Variants in SLIT2 observed in about 807,000 individuals in gnomAD.
SLIT2 encodes the protein slit homolog 2 protein.
In SLIT2, 41 loss-of-function variants were observed where a neutral mutation model predicts 185.7. That is an observed-to-expected ratio of 0.22 (90% CI 0.17 to 0.29). The LOEUF (loss-of-function observed/expected upper bound fraction) is 0.29, where lower values mean the gene tolerates loss of function less well. Among genes scored for constraint, SLIT2 ranks in the 10% least tolerant of loss-of-function variants. SLIT2 has a pLI of 1.00. For missense variants in SLIT2, 1,571 were observed against 1,909.0 expected, an observed-to-expected ratio of 0.82 and a Z score of 3.30; for synonymous variants, 693 against 680.2, an observed-to-expected ratio of 1.02 and a Z score of -0.29.
rs553875991 is a variant in SLIT2 at position 20,451,389 on chromosome 4, G to A, written c.396-16363G>A. ...AGTTCCTACTAATTCCTTAAAGGAT[G>A]TCTCCTTTGTTCCAGCTAATGCAGC... On this transcript the variant is annotated intron_variant, in intron 4 of 36. Transcript: ENST00000504154. 2.9e-3 allele frequency among the ~76,000 whole-genome samples: 435 copies of A among 152,302 alleles called. 6 individuals carry two copies. Among genetic ancestry groups the A allele is most frequent in the African/African-American group, 1.0e-2 (414 of 41,564 alleles).
intron 22 of SLIT2, among the ~76,000 whole-genome samples, chr4:20,547,221 T>C (rs1197666310): frequency 1.3e-5 from 2 of 152,168 alleles, no homozygotes; most frequent in African/African-American, 2.4e-5. Context: ...AGTTATTTAT[T>C]TGATAGCAGC....
At chr4:20,534,236 T>A (rs1470022159) in intron 18 of SLIT2, among the ~76,000 whole-genome samples, 1 of 152,194 alleles carries the variant, frequency 6.6e-6, no homozygotes, top group Non-Finnish European at 1.5e-5. Flanking sequence ...TAACAGCTTA[T>A]CTGGAGACTA....
chr4:20,562,910 A>G (rs376719810), intron 26 of SLIT2, among the ~76,000 whole-genome samples: 11 of 151,738 alleles, frequency 7.2e-5, no homozygotes, highest in African/African-American at 2.7e-4. Flanking sequence ...GGATGCCAGA[A>G]TGAAGGCAGA....
intron 4 of SLIT2, among the ~76,000 whole-genome samples, chr4:20,353,079 A>G (rs1002871749): frequency 6.6e-6 from 1 of 152,300 alleles, no homozygotes; most frequent in East Asian, 1.9e-4. Flanking sequence ...GAGTATATCA[A>G]TCTTGCCTTT....
At chr4:20,575,164 A>T (rs1277469444) in intron 29 of SLIT2, among the ~76,000 whole-genome samples, 4 of 152,178 alleles carry the variant, frequency 2.6e-5, no homozygotes, top group African/African-American at 9.7e-5. Flanking sequence ...TCTTAGAAAC[A>T]ATCTTGGCAG....
At chr4:20,343,257 C>T (rs1378524917) in intron 4 of SLIT2, among the ~76,000 whole-genome samples, 1 of 152,114 alleles carries the variant, frequency 6.6e-6, no homozygotes, top group Non-Finnish European at 1.5e-5. Flanking sequence ...ATCTATCATT[C>T]CACTCTCCAT....
At chr4:20,389,683 T>C (rs1309973459) in intron 4 of SLIT2, among the ~76,000 whole-genome samples, 2 of 152,096 alleles carry the variant, frequency 1.3e-5, no homozygotes, top group Admixed American at 6.6e-5. Context: ...ATAAGACTTA[T>C]CTGCAGCCAA....
chr4:20,344,856 C>G (rs1721258099), intron 4 of SLIT2, among the ~76,000 whole-genome samples: 1 of 152,120 alleles, frequency 6.6e-6, no homozygotes, highest in Non-Finnish European at 1.5e-5. Flanking sequence ...TTTTTCTGCA[C>G]TTTTCTTTTG....
At position 20,404,635 on chromosome 4, in the gene SLIT2, G is replaced by A. The variant is rs866768448; in HGVS notation, c.396-63117G>A. Among the ~76,000 whole-genome samples the A allele has an allele frequency of 3.9e-5, 6 of 152,130 alleles. No homozygotes were observed. In the South Asian group the frequency reaches 1.2e-3, roughly 31 times the overall value. On this transcript the variant is annotated intron_variant, in intron 4 of 36. Coordinates refer to ENST00000504154, the MANE Select transcript of SLIT2 (RefSeq NM_004787.4). Reference sequence around the variant, plus strand: ...AAAGTTCACCAACGAATGAATGCATGAATGAATGAACAAGGGGAAATCTTG... The same window carrying A: ...AAAGTTCACCAACGAATGAATGCATAAATGAATGAACAAGGGGAAATCTTG...
At chr4:20,370,314 G>A (rs180997473) in intron 4 of SLIT2, among the ~76,000 whole-genome samples, 44 of 152,190 alleles carry the variant, frequency 2.9e-4, no homozygotes, top group African/African-American at 1.0e-3. Context: ...TATTTCAATC[G>A]ATTATCTTTT....
intron 4 of SLIT2, among the ~76,000 whole-genome samples, chr4:20,405,133 T>C (rs1226624978): frequency 6.6e-6 from 1 of 151,972 alleles, no homozygotes; most frequent in Non-Finnish European, 1.5e-5. Context: ...ATAATCTATC[T>C]ACTTGGGTTG....
chr4:20,553,945 C>G lies in SLIT2; in HGVS notation c.2702C>G (p.Pro901Arg). ...EMADKLLLTT[P>R]SKKFTCQGPV... ...GCAGATAAACTTTTACTCACAACTCCCTCCAAAAAATTTACCTGTCAAGGT... is the reference window on the plus strand; with the variant it reads ...GCAGATAAACTTTTACTCACAACTCGCTCCAAAAAATTTACCTGTCAAGGT... The change falls in exon 26 of 37, where the codon CCC becomes CGC. Residue 901 changes from proline (P) to arginine (R), a missense_variant. Transcript: ENST00000504154. 6.2e-7 allele frequency: 1 copy of G among 1,600,698 alleles called. No individual in the cohort carries two copies. The highest frequency in any genetic ancestry group is 1.4e-5 in the African/African-American group (1 of 74,020).
intron 3 of SLIT2, among the ~76,000 whole-genome samples, chr4:20,264,996 G>A (rs1231951334): frequency 6.6e-6 from 1 of 151,780 alleles, no homozygotes; most frequent in African/African-American, 2.4e-5. Flanking sequence ...GACTCACCTG[G>A]TCTGTTTAAC....
At chr4:20,321,355 T>C (rs1160224781) in intron 4 of SLIT2, among the ~76,000 whole-genome samples, 1 of 152,196 alleles carries the variant, frequency 6.6e-6, no homozygotes, top group East Asian at 1.9e-4. Flanking sequence ...CCTCTGTGGC[T>C]GGCCCTCACT....
intron 9 of SLIT2, among the ~76,000 whole-genome samples, chr4:20,509,438 T>A (rs1719504543): frequency 6.6e-6 from 1 of 152,072 alleles, no homozygotes; most frequent in Non-Finnish European, 1.5e-5. Context: ...ATGAGACCAC[T>A]GCTGTGGACA....
chr4:20,472,255 G>GATCTATATATCTATATAT (rs1715159945), intron 5 of SLIT2, among the ~76,000 whole-genome samples: 1 of 21,898 alleles, frequency 4.6e-5, no homozygotes, highest in Non-Finnish European at 8.6e-5. Context: ...TCTATATATA[G>GATCTATATATCTATATAT]ATCTATATAT....
chr4:20,515,054 C>T (rs530624991), intron 11 of SLIT2, among the ~76,000 whole-genome samples: 30 of 152,086 alleles, frequency 2.0e-4, no homozygotes, highest in Non-Finnish European at 3.2e-4. Flanking sequence ...AGTAACAAAA[C>T]GTTTTAAGTG....
chr4:20,528,500 TA>T lies in SLIT2; in HGVS notation c.1463-444del. 2.7e-6 allele frequency: 1 copy of T among 364,682 alleles called. No individual in the cohort carries two copies. Among genetic ancestry groups the T allele is most frequent in the East Asian group, 7.5e-5 (1 of 13,286 alleles). 22.6% of individuals were successfully genotyped at this position (364,682 alleles called of 1,614,324 possible). A position where few individuals can be genotyped will look rare whatever the true frequency, so the allele number is the denominator to read the frequency against. ...AGATTATGTGAGAGGGAGAGAATAG[TA>T]AAAAGTCCATAGAAAATTTAAAAGC... On this transcript the variant is annotated intron_variant, in intron 15 of 36. Transcript: ENST00000504154. The surrounding 1 kb of genome is among the most constrained non-coding windows in gnomAD (Gnocchi z 4.2).
At chr4:20,574,929 T>C (rs1444000533) in intron 29 of SLIT2, among the ~76,000 whole-genome samples, 2 of 152,204 alleles carry the variant, frequency 1.3e-5, no homozygotes, top group Admixed American at 6.5e-5. Flanking sequence ...CAGAGTTAAG[T>C]TGAAAACAAA....
Sources: allele counts gnomAD v4.1 joint callset (sites outside exome capture counted in the v4.1 genomes callset), GRCh38; gene constraint gnomAD v4.1.1; non-coding constraint Gnocchi (gnomAD v3.1); transcripts MANE v1.5; gene names NCBI Gene and HGNC (gene_info 2026-07-23, HGNC 2026-07-21).